Variants in MCTP1 observed in about 807,000 individuals in gnomAD.
MCTP1 encodes multiple C2 and transmembrane domain containing 1.
A neutral mutation model predicts 120.6 loss-of-function variants in MCTP1; 69 were observed. The observed-to-expected ratio is 0.57, with a 90% CI of 0.47 to 0.70. The LOEUF is 0.70. MCTP1 is among the 30% of genes least tolerant of loss of function. The pLI is 0.00. For synonymous variants in MCTP1, 529 were observed against 493.1 expected (o/e 1.07, Z -0.96); for missense variants, 1,203 against 1,248.8 (o/e 0.96, Z 0.55).
chr5:95,279,625 A>G (rs1760149067), intron 1 of MCTP1, among the ~76,000 whole-genome samples: 1 of 152,264 alleles, frequency 6.6e-6, no homozygotes, highest in Non-Finnish European at 1.5e-5. Context: ...AACACTTGCT[A>G]TAGTTTAAGC....
intron 1 of MCTP1, among the ~76,000 whole-genome samples, chr5:95,049,438 T>C (rs1359514021): frequency 6.6e-6 from 1 of 152,044 alleles, no homozygotes; most frequent in Non-Finnish European, 1.5e-5. Flanking sequence ...TAAAACATTA[T>C]GCTAAAATAG....
intron 12 of MCTP1, among the ~76,000 whole-genome samples, chr5:94,888,607 T>C (rs1277857486): frequency 6.6e-6 from 1 of 152,250 alleles, no homozygotes; most frequent in Non-Finnish European, 1.5e-5. Context: ...CTGGAAGACG[T>C]ATTCCTACTA....
chr5:95,087,071 A>T (rs886780942), intron 1 of MCTP1, among the ~76,000 whole-genome samples: 1 of 152,196 alleles, frequency 6.6e-6, no homozygotes. Context: ...AGGGCTCCTG[A>T]TCTAGAAATA....
intron 19 of MCTP1, among the ~76,000 whole-genome samples, chr5:94,739,880 C>T (rs1423451514): frequency 6.6e-6 from 1 of 152,166 alleles, no homozygotes; most frequent in Non-Finnish European, 1.5e-5. Context: ...GTTGGCCAGG[C>T]TGATCTCGAA....
intron 17 of MCTP1, among the ~76,000 whole-genome samples, chr5:94,801,258 G>A (rs1781183770): frequency 6.6e-6 from 1 of 152,192 alleles, no homozygotes; most frequent in Non-Finnish European, 1.5e-5. Context: ...TGCTCAATAA[G>A]TAAATATTTA....
chr5:94,973,634 A>T (rs73774815), intron 2 of MCTP1, among the ~76,000 whole-genome samples: 1,829 of 152,262 alleles, frequency 0.012, 35 homozygotes, highest in African/African-American at 0.042. Context: ...ATTACTGTTA[A>T]TATATTACCT....
At chr5:95,048,489 T>C (rs956553415) in intron 1 of MCTP1, among the ~76,000 whole-genome samples, 2 of 152,138 alleles carry the variant, frequency 1.3e-5, no homozygotes, top group Admixed American at 6.5e-5. Context: ...TTATCTCCCC[T>C]GAGGAAAGAT....
intron 17 of MCTP1, among the ~76,000 whole-genome samples, chr5:94,816,993 G>A (rs1784592035): frequency 6.6e-6 from 1 of 152,148 alleles, no homozygotes; most frequent in African/African-American, 2.4e-5. Flanking sequence ...AGGTGTCAAA[G>A]ATAAGAAATG....
chr5:95,183,025 C>CAA (rs554887788), intron 1 of MCTP1, among the ~76,000 whole-genome samples: 1,657 of 102,338 alleles, frequency 0.016, 15 homozygotes, highest in Middle Eastern at 0.04. Flanking sequence ...GACTCCGTCT[C>CAA]AAAAAAAAAA....
At position 94,926,428 on chromosome 5, in the gene MCTP1, G is replaced by A. The variant is rs184314659; in HGVS notation, c.1213-2407C>T. 4.2e-3 allele frequency among the ~76,000 whole-genome samples: 638 copies of A among 151,920 alleles called. 1 individual carries two copies. The highest frequency in any genetic ancestry group is 5.8e-3 in the Non-Finnish European group (395 of 67,860). ...ACAAATCATGTATATAAACTTTCCT[G>A]GTCAGATTGCAATCACTGTTCATCA... is the stretch of plus-strand genomic sequence containing the variant. On this transcript the variant is annotated intron_variant, in intron 6 of 22. Transcript: ENST00000515393.
chr5:94,712,395 G>A (rs1757362871), intron 20 of MCTP1, among the ~76,000 whole-genome samples: 1 of 147,712 alleles, frequency 6.8e-6, no homozygotes, highest in African/African-American at 2.5e-5. Flanking sequence ...TCCTGGTATT[G>A]TATATTGTAC....
intron 1 of MCTP1, among the ~76,000 whole-genome samples, chr5:95,078,506 A>T (rs1273068613): frequency 6.6e-6 from 1 of 152,230 alleles, no homozygotes. Context: ...CCCCCATCTT[A>T]TGTAAATTCA....
At chr5:94,862,434 G>C (rs1204320543) in intron 17 of MCTP1, among the ~76,000 whole-genome samples, 1 of 151,790 alleles carries the variant, frequency 6.6e-6, no homozygotes, top group Non-Finnish European at 1.5e-5. Flanking sequence ...AGAGAATGAA[G>C]CACTGATTTG....
At chr5:95,017,312 G>GT in intron 2 of MCTP1, 55 bp downstream of exon 2, 2 of 1,046,198 alleles carry the variant, frequency 1.9e-6, no homozygotes, top group Non-Finnish European at 2.8e-6. Context: ...GGAAAACAAA[G>GT]TTTGTCATAA....
rs565531033 is a variant in MCTP1 at position 95,216,515 on chromosome 5, C to T, written c.720+67341G>A. Among the ~76,000 whole-genome samples the T allele has an allele frequency of 4.1e-4, 62 of 152,258 alleles. 1 individual carries two copies. In the South Asian group the frequency reaches 0.012, roughly 30 times the overall value. On this transcript the variant is annotated intron_variant, in intron 1 of 22. Transcript: ENST00000515393. Reference sequence around the variant, plus strand: ...TGTTCTATCAGCATTTTTCCAAGCTCCCAAGCCTGAAAGGTACCTGCTGGG... The same window carrying T: ...TGTTCTATCAGCATTTTTCCAAGCTTCCAAGCCTGAAAGGTACCTGCTGGG...
chr5:94,986,100 G>A (rs563430382), intron 2 of MCTP1, among the ~76,000 whole-genome samples: 56 of 152,212 alleles, frequency 3.7e-4, no homozygotes, highest in African/African-American at 1.3e-3. Context: ...TCCAAAAAAT[G>A]CTTTGCTACT....
chr5:94,752,873 A>C (rs1467747244), intron 19 of MCTP1, among the ~76,000 whole-genome samples: 1 of 152,248 alleles, frequency 6.6e-6, no homozygotes, highest in Admixed American at 6.5e-5. Context: ...GTACTCTGTA[A>C]CTGGGATTTA....
At chr5:95,264,839 G>A (rs1310274312) in intron 1 of MCTP1, among the ~76,000 whole-genome samples, 2 of 152,188 alleles carry the variant, frequency 1.3e-5, no homozygotes, top group Non-Finnish European at 2.9e-5. Context: ...CTGCCTGAGA[G>A]AGATGTCCAA....
In MCTP1 at chr5:94,705,512, A is replaced by AG. The variant is rs1199285879; in HGVS notation, c.*1983_*1984insC. On this transcript the variant is annotated 3_prime_UTR_variant, in exon 23 of 23. Coordinates refer to ENST00000515393, the MANE Select transcript of MCTP1 (RefSeq NM_024717.7). ...CTCATCAATCTCTGAACCACCAAAA[A>AG]AAAAAAAAAAAGGAGTGCTGATTAT... is the stretch of plus-strand genomic sequence containing the variant. 1 of 151,174 alleles carries AG rather than the reference A, an allele frequency of 6.6e-6. No homozygotes were observed. The highest frequency in any genetic ancestry group is 1.5e-5 in the Non-Finnish European group (1 of 67,548). The allele number at this position is 151,174 out of a possible 1,614,324, so 9.4% of individuals were successfully genotyped here. A position where few individuals can be genotyped will look rare whatever the true frequency, so the allele number is the denominator to read the frequency against.
Sources: gnomAD v4.1 joint callset for allele counts (sites outside exome capture counted in the v4.1 genomes callset) on GRCh38, gnomAD v4.1.1 for gene constraint, MANE v1.5 for transcripts, NCBI Gene and HGNC (gene_info 2026-07-23, HGNC 2026-07-21) for gene names.